The following PCLO variants were observed in gnomAD, a reference collection of about 807,000 sequenced individuals.
PCLO encodes protein piccolo.
A neutral mutation model predicts 427.5 loss-of-function variants in PCLO; 82 were observed. That is an observed-to-expected ratio of 0.19 (90% CI 0.16 to 0.23). The LOEUF is 0.23. Among genes scored for constraint, PCLO ranks in the 10% least tolerant of loss-of-function variants. PCLO has a pLI of 1.00. For missense variants in PCLO, 6,239 were observed against 6,115.9 expected (o/e 1.02, Z -0.67); for synonymous variants, 2,357 against 2,155.4 (o/e 1.09, Z -2.59).
chr7:82,924,826 C>T (rs957886604), intron 6 of PCLO, among the ~76,000 whole-genome samples: 1 of 151,690 alleles, frequency 6.6e-6, no homozygotes, highest in Non-Finnish European at 1.5e-5. Context: ...GGAATTAGAA[C>T]AAAAAAATTT....
chr7:82,984,695 T>C (rs1028355065), intron 3 of PCLO, among the ~76,000 whole-genome samples: 1 of 151,978 alleles, frequency 6.6e-6, no homozygotes, highest in African/African-American at 2.4e-5. Flanking sequence ...TTAGCTAACA[T>C]TTAGGCCTAT....
chr7:82,792,252 T>C (rs1224196461), intron 22 of PCLO, among the ~76,000 whole-genome samples: 1 of 152,158 alleles, frequency 6.6e-6, no homozygotes. Context: ...ACCATTTTTT[T>C]CTTCTTATTA....
intron 3 of PCLO, among the ~76,000 whole-genome samples, chr7:82,973,910 C>T (rs1412688612): frequency 1.3e-5 from 2 of 151,968 alleles, no homozygotes; most frequent in African/African-American, 4.8e-5. Flanking sequence ...ATTCTGGTTG[C>T]TTTCTTATCA....
chr7:83,024,561 G>T (rs1242152231), intron 3 of PCLO, among the ~76,000 whole-genome samples: 1 of 152,184 alleles, frequency 6.6e-6, no homozygotes, highest in Non-Finnish European at 1.5e-5. Context: ...GCTTGATTAG[G>T]TAAACAAAGC....
chr7:82,873,780 C>G (rs1793298507), intron 10 of PCLO, among the ~76,000 whole-genome samples: 1 of 151,938 alleles, frequency 6.6e-6, no homozygotes. Context: ...TCCTCATACT[C>G]AGTCACTGCA....
intron 22 of PCLO, among the ~76,000 whole-genome samples, chr7:82,791,287 T>C (rs1299843073): frequency 1.3e-5 from 2 of 152,154 alleles, no homozygotes; most frequent in South Asian, 2.1e-4. Flanking sequence ...GACAATATCA[T>C]AATAATATGT....
In PCLO at chr7:83,154,842, T is replaced by C; in HGVS notation, c.1799A>G (p.His600Arg). The C allele has an allele frequency of 1.2e-6, 2 of 1,613,994 alleles. No individual in the cohort carries two copies. The highest frequency in any genetic ancestry group is 1.7e-6 in the Non-Finnish European group (2 of 1,179,878). The part of the protein sequence containing the change: ...PLCNTTELLL[H>R]VPEKANFNTC... ...GTTAAAATTGGCCTTTTCTGGAACA[T>C]GCAACAGAAGTTCAGTGGTATTGCA... The change falls in exon 2 of 25, where the codon CAT becomes CGT. Residue 600 changes from histidine (H) to arginine (R), a missense_variant. By Grantham distance (29) the His-to-Arg change is conservative. Around this residue, in one of 5 missense-constraint regions of PCLO, gnomAD observed 4,677 missense variants for 4,468.4 expected, o/e 1.05. Coordinates refer to ENST00000333891, the MANE Select transcript of PCLO (RefSeq NM_033026.6).
At chr7:82,823,543 TG>T (rs1449803874) in intron 19 of PCLO, among the ~76,000 whole-genome samples, 1 of 152,184 alleles carries the variant, frequency 6.6e-6, no homozygotes, top group Non-Finnish European at 1.5e-5. Flanking sequence ...TGAGGATTAA[TG>T]TTGTGTTGTA....
rs1438217044 is a variant in PCLO, at chr7:83,051,084, A to G, written c.3300+83166T>C. Among the ~76,000 whole-genome samples the G allele has an allele frequency of 2.6e-5, 4 of 152,186 alleles. No homozygotes were observed. In the East Asian group the frequency reaches 7.7e-4, roughly 29 times the overall value. ...TTTCTCAACTTGATAAAGAACTTCT[A>G]CAAAACATCAACAGCTAACACCATA... is the stretch of plus-strand genomic sequence containing the variant. On this transcript the variant is annotated intron_variant, in intron 3 of 24. Transcript: ENST00000333891.
At chr7:82,922,613 C>A (rs1460587995) in intron 6 of PCLO, among the ~76,000 whole-genome samples, 1 of 151,614 alleles carries the variant, frequency 6.6e-6, no homozygotes, top group Non-Finnish European at 1.5e-5. Context: ...GAGTGGTGAT[C>A]GAAAAACTAG....
chr7:82,774,561 A>T (rs1052024426), intron 22 of PCLO, among the ~76,000 whole-genome samples: 1 of 152,176 alleles, frequency 6.6e-6, no homozygotes, highest in Non-Finnish European at 1.5e-5. Flanking sequence ...TAATTCCAAA[A>T]TACTTTAATA....
At chr7:82,974,496 G>A (rs917823392) in intron 3 of PCLO, among the ~76,000 whole-genome samples, 6 of 152,108 alleles carry the variant, frequency 3.9e-5, no homozygotes, top group African/African-American at 1.4e-4. Flanking sequence ...AAACTTATGG[G>A]TAATCATACA....
intron 13 of PCLO, among the ~76,000 whole-genome samples, chr7:82,844,348 G>A (rs570781184): frequency 2.0e-4 from 30 of 152,170 alleles, no homozygotes; most frequent in African/African-American, 7.0e-4. Flanking sequence ...TGCTTATGAA[G>A]CTTTTCTATA....
intron 2 of PCLO, among the ~76,000 whole-genome samples, chr7:83,146,304 T>C (rs1791992037): frequency 6.6e-6 from 1 of 152,226 alleles, no homozygotes; most frequent in African/African-American, 2.4e-5. Context: ...AGAACCCATA[T>C]TGTTTGACAC....
In PCLO at chr7:82,950,366, T is replaced by C. The variant is rs1795309176; in HGVS notation, c.10222A>G (p.Lys3408Glu). ...PLTDVVVKEE[K>E]QPKKRSSGAK... ...CCAGAACTTCTCTTTTTGGGTTGTTTTTCCTCTTTCACAACAACATCTGTT... is the reference window on the plus strand; with the variant it reads ...CCAGAACTTCTCTTTTTGGGTTGTTCTTCCTCTTTCACAACAACATCTGTT... Residue 3408 changes from lysine (K) to glutamate (E), a missense_variant, in exon 6 of 25, where the codon AAA (lysine) becomes GAA (glutamate). By Grantham distance (56) the Lys-to-Glu change is moderately conservative. Transcript: ENST00000333891. The C allele has an allele frequency of 6.2e-7, 1 of 1,613,692 alleles. No homozygotes were observed. The highest frequency in any genetic ancestry group is 1.3e-5 in the African/African-American group (1 of 74,852).
At chr7:82,957,887 C>T (rs1394240282) in intron 4 of PCLO, among the ~76,000 whole-genome samples, 1 of 152,188 alleles carries the variant, frequency 6.6e-6, no homozygotes, top group Admixed American at 6.5e-5. Flanking sequence ...CAACCTTGAA[C>T]TTGTTGCCTT....
intron 20 of PCLO, among the ~76,000 whole-genome samples, chr7:82,812,747 GA>G (rs1336230457): frequency 6.6e-6 from 1 of 151,434 alleles, no homozygotes; most frequent in Non-Finnish European, 1.5e-5. Flanking sequence ...ATATGTGAAA[GA>G]AAAAACATTC....
intron 3 of PCLO, among the ~76,000 whole-genome samples, chr7:83,003,562 T>C (rs1453362903): frequency 6.6e-6 from 1 of 151,956 alleles, no homozygotes; most frequent in African/African-American, 2.4e-5. Context: ...CATGAAAGAA[T>C]GTTGAATTTT....
intron 22 of PCLO, among the ~76,000 whole-genome samples, chr7:82,794,152 C>A (rs897838394): frequency 1.3e-5 from 2 of 151,960 alleles, no homozygotes; most frequent in African/African-American, 4.8e-5. Context: ...CTGGAGAAAC[C>A]TTTAGCATCT....
Sources: gnomAD v4.1 joint callset for allele counts (sites outside exome capture counted in the v4.1 genomes callset) on GRCh38, gnomAD v4.1.1 for gene constraint, gnomAD v4.1.1 regional missense constraint, MANE v1.5 for transcripts, NCBI Gene and HGNC (gene_info 2026-07-23, HGNC 2026-07-21) for gene names.